The following WDR64 variants were observed in gnomAD, a reference collection of about 807,000 sequenced individuals.
WDR64 encodes the protein WD repeat domain 64.
WDR64 carries 112 observed loss-of-function variants against 139.3 expected under a neutral mutation model. The observed-to-expected ratio is 0.80, with a 90% confidence interval of 0.69 to 0.94. WDR64 has a LOEUF of 0.94. WDR64 is among the 40% of genes least tolerant of loss of function. The pLI is 0.00. For missense variants in WDR64, 1,206 were observed against 1,293.1 expected (o/e 0.93, Z 1.03); for synonymous variants, 444 against 437.7 (o/e 1.01, Z -0.18).
At position 241,728,540 on chromosome 1, in the gene WDR64, TTAAAATAG is replaced by T. The variant is rs1161110446; in HGVS notation, c.1194+5105_1194+5112del. ...CCACTACATGCCTTTTCCTAAGCTC[TTAAAATAG>T]CAAGATTTTTATTCTTTCTCCTAAT... On this transcript the variant is annotated intron_variant, in intron 10 of 27. Coordinates refer to ENST00000437684, the MANE Select transcript of WDR64 (RefSeq NM_001367482.1). Among the ~76,000 whole-genome samples the T allele has an allele frequency of 1.3e-4, 20 of 152,342 alleles. No individual in the cohort carries two copies. The East Asian group carries it at 1.3e-3, about 10-fold the overall frequency.
intron 21 of WDR64, among the ~76,000 whole-genome samples, chr1:241,779,716 G>A (rs959523408): frequency 1.4e-4 from 22 of 152,138 alleles, no homozygotes; most frequent in African/African-American, 5.3e-4. Context: ...TGTAATCCCA[G>A]CTACTCAGGA....
At chr1:241,677,076 C>A (rs1364554326) in intron 4 of WDR64, among the ~76,000 whole-genome samples, 1 of 151,588 alleles carries the variant, frequency 6.6e-6, no homozygotes, top group African/African-American at 2.4e-5. Context: ...ATCTGAAGTA[C>A]AATAAATATA....
rs143573434 is a variant in WDR64 at position 241,703,032 on chromosome 1, A to G, written c.975-8770A>G. ...ATATGGATCAATAAGAGGCAGTAAT[A>G]CAGAGTTAGGGCCACTTTTTAAAAA... On this transcript the variant is annotated intron_variant, in intron 8 of 27. Transcript: ENST00000437684. This position sits in a 1 kb window ranked among gnomAD's most constrained non-coding sequence, Gnocchi z 5.9. Among the ~76,000 whole-genome samples the G allele has an allele frequency of 2.2e-3, 329 of 152,302 alleles. 4 individuals carry two copies. Among genetic ancestry groups the G allele is most frequent in the African/African-American group, 7.6e-3 (317 of 41,576 alleles).
At position 241,800,004 on chromosome 1, in the gene WDR64, C is replaced by A. The variant is rs546715452; in HGVS notation, c.3193-1128C>A. ...AGATCCATGAAGGCAGAAACTTTGCCTAACTTACTCTCTGCTGCAGTGCCA... is the reference window on the plus strand; with the variant it reads ...AGATCCATGAAGGCAGAAACTTTGCATAACTTACTCTCTGCTGCAGTGCCA... On this transcript the variant is annotated intron_variant, in intron 27 of 27. Transcript: ENST00000437684. Among the ~76,000 whole-genome samples, 7 of 152,234 alleles carry A rather than the reference C, an allele frequency of 4.6e-5. No homozygotes were observed. In the South Asian group the frequency reaches 1.5e-3, roughly 32 times the overall value.
intron 27 of WDR64, among the ~76,000 whole-genome samples, chr1:241,798,800 T>C (rs1659437659): frequency 6.6e-6 from 1 of 152,200 alleles, no homozygotes; most frequent in African/African-American, 2.4e-5. Context: ...AATATAGAAA[T>C]GCTAATTCTG....
In WDR64 at chr1:241,784,953, G is replaced by GGAAAAAAAAAAAAAAAAAA. The variant is rs766802128; in HGVS notation, c.2705+1572_2705+1573insGAAAAAAAAAAAAAAAAAA. On this transcript the variant is annotated intron_variant, in intron 23 of 27. Coordinates refer to ENST00000437684, the MANE Select transcript of WDR64 (RefSeq NM_001367482.1). ...TGGGCGACAGAGTGAGACTCTGTCT[G>GGAAAAAAAAAAAAAAAAAA]AAAAAAAAAAAAAAAAAAAAAAAGA... Among the ~76,000 whole-genome samples, 87 of 62,232 alleles carry GGAAAAAAAAAAAAAAAAAA rather than the reference G, an allele frequency of 1.4e-3. 13 individuals carry two copies. The highest frequency in any genetic ancestry group is 2.7e-3 in the South Asian group (3 of 1,108). 40.8% of individuals were successfully genotyped at this position (62,232 alleles called of 152,430 possible).
At chr1:241,775,321 G>C (rs781041626) in intron 21 of WDR64, 111 bp downstream of exon 21, 137 of 776,806 alleles carry the variant, frequency 1.8e-4, no homozygotes, top group Non-Finnish European at 2.6e-4. Context: ...GAGAGACTAA[G>C]AGGTATGCTC....
At position 241,656,188 on chromosome 1, in the gene WDR64, T is replaced by C. The variant is rs1032331794; in HGVS notation, c.145+3559T>C. Among the ~76,000 whole-genome samples the C allele has an allele frequency of 6.6e-6, 1 of 152,230 alleles. No homozygotes were observed. The highest frequency in any genetic ancestry group is 2.4e-5 in the African/African-American group (1 of 41,452). ...AAGGCAGAAATGTCATCTTCACTTT[T>C]GTCAGGCTGTTAATAATGTCTGGCA... On this transcript the variant is annotated intron_variant, in intron 1 of 27. Coordinates refer to ENST00000437684, the MANE Select transcript of WDR64 (RefSeq NM_001367482.1). The surrounding 1 kb of genome is among the most constrained non-coding windows in gnomAD (Gnocchi z 4.3).
At chr1:241,652,925 G>A (rs886298862) in intron 1 of WDR64, among the ~76,000 whole-genome samples, 9 of 152,242 alleles carry the variant, frequency 5.9e-5, no homozygotes, top group Non-Finnish European at 1.3e-4. Flanking sequence ...TTCTGTAGAC[G>A]CTGCCATTTG....
In WDR64 at chr1:241,718,554, T is replaced by C. The variant is rs151046498; in HGVS notation, c.1055-4743T>C. On this transcript the variant is annotated intron_variant, in intron 9 of 27. Coordinates refer to ENST00000437684, the MANE Select transcript of WDR64 (RefSeq NM_001367482.1). ...AGTGCACAGTTAGCTTCTCAAGAGA[T>C]TTTTCTCTCTTGCTGTTAATAAGGG... is the stretch of plus-strand genomic sequence containing the variant. Among the ~76,000 whole-genome samples the C allele has an allele frequency of 3.2e-4, 49 of 152,172 alleles. No homozygotes were observed. The East Asian group carries it at 6.0e-3, about 19-fold the overall frequency.
At chr1:241,699,542 T>C (rs1667624501) in intron 8 of WDR64, among the ~76,000 whole-genome samples, 1 of 152,012 alleles carries the variant, frequency 6.6e-6, no homozygotes, top group African/African-American at 2.4e-5. Flanking sequence ...GAGAGGGGTA[T>C]GACAGGAGTG....
intron 2 of WDR64, among the ~76,000 whole-genome samples, chr1:241,664,314 A>G (rs1665950175): frequency 6.6e-6 from 1 of 152,208 alleles, no homozygotes; most frequent in Non-Finnish European, 1.5e-5. Flanking sequence ...ATATGCATGA[A>G]TTTCTAATGC....
intron 26 of WDR64, among the ~76,000 whole-genome samples, chr1:241,795,974 G>A (rs1429966736): frequency 6.6e-6 from 1 of 152,190 alleles, no homozygotes; most frequent in African/African-American, 2.4e-5. Flanking sequence ...TAGACGGAAT[G>A]CAGTGTCTCA....
At chr1:241,767,481 G>T (rs1299584943) in intron 16 of WDR64, among the ~76,000 whole-genome samples, 1 of 152,118 alleles carries the variant, frequency 6.6e-6, no homozygotes, top group Non-Finnish European at 1.5e-5. Flanking sequence ...TGGCAAGGGG[G>T]TTTGGAAAAT....
chr1:241,703,812 G>A lies in WDR64; in HGVS notation c.975-7990G>A, dbSNP rs757880546. 2.7e-4 allele frequency among the ~76,000 whole-genome samples: 41 copies of A among 152,120 alleles called. No homozygotes were observed. Among genetic ancestry groups the A allele is most frequent in the Admixed American group, 2.6e-4 (4 of 15,264 alleles). ...GCTTCAGGAAACTTACAATCATGGC[G>A]GAAGGTGAAAGGGAAGCAAGGACCT... is the stretch of plus-strand genomic sequence containing the variant. On this transcript the variant is annotated intron_variant, in intron 8 of 27. Transcript: ENST00000437684. This position sits in a 1 kb window ranked among gnomAD's most constrained non-coding sequence, Gnocchi z 5.9.
At chr1:241,797,584 T>TA (rs1413762702) in intron 27 of WDR64, among the ~76,000 whole-genome samples, 1 of 152,222 alleles carries the variant, frequency 6.6e-6, no homozygotes, top group Admixed American at 6.5e-5. Context: ...CTTTAATTAA[T>TA]ATTGAAAACT....
chr1:241,783,635 T>G (rs1014648842), intron 23 of WDR64, among the ~76,000 whole-genome samples: 9 of 151,980 alleles, frequency 5.9e-5, no homozygotes, highest in African/African-American at 1.7e-4. Flanking sequence ...AAAAGTGAAG[T>G]TTTTTTTGTA....
At chr1:241,765,277 G>C (rs1482633227) in intron 15 of WDR64, among the ~76,000 whole-genome samples, 1 of 152,004 alleles carries the variant, frequency 6.6e-6, no homozygotes, top group Admixed American at 6.6e-5. Flanking sequence ...AAATGTCTAA[G>C]TAATTAAATA....
At chr1:241,765,523 G>T (rs766567098) in intron 15 of WDR64, among the ~76,000 whole-genome samples, 3 of 152,208 alleles carry the variant, frequency 2.0e-5, no homozygotes, top group Admixed American at 6.5e-5. Flanking sequence ...AGTCAAGGAC[G>T]TCAGGAGAGT....
Sources: gnomAD v4.1 joint callset for allele counts (sites outside exome capture counted in the v4.1 genomes callset) on GRCh38, gnomAD v4.1.1 for gene constraint, Gnocchi (gnomAD v3.1) non-coding constraint, MANE v1.5 for transcripts, NCBI Gene and HGNC (gene_info 2026-07-23, HGNC 2026-07-21) for gene names.